Variants in CCSER2 observed in about 807,000 individuals in gnomAD.
The protein encoded by CCSER2 is coiled-coil serine rich protein 2.
Under a neutral mutation model 92.3 loss-of-function variants are expected in CCSER2, and 46 were observed. The ratio of observed to expected loss-of-function variants is 0.50; its 90% confidence interval spans 0.39 to 0.64. CCSER2 has a LOEUF of 0.64. Among genes scored for constraint, CCSER2 ranks in the 30% least tolerant of loss-of-function variants. The pLI, the probability that CCSER2 is intolerant of heterozygous loss-of-function variation, is 0.00. For synonymous variants in CCSER2, 433 were observed against 431.4 expected (o/e 1.00, Z -0.04); for missense variants, 1,244 against 1,238.9 (o/e 1.00, Z -0.06).
At chr10:84,507,456 C>T (rs1002698515) in intron 9 of CCSER2, 1 of 186,944 alleles carries the variant, frequency 5.3e-6, no homozygotes, top group Non-Finnish European at 1.0e-5. Flanking sequence ...TTACAGATGG[C>T]TCTATTTCCA....
At chr10:84,438,118 G>A (rs1305881253) in intron 5 of CCSER2, among the ~76,000 whole-genome samples, 1 of 152,110 alleles carries the variant, frequency 6.6e-6, no homozygotes, top group African/African-American at 2.4e-5. Context: ...TGGTAGCATC[G>A]TTATGGGGCT....
intron 1 of CCSER2, among the ~76,000 whole-genome samples, chr10:84,345,260 T>C (rs1419580112): frequency 7.2e-5 from 11 of 152,204 alleles, no homozygotes; most frequent in Non-Finnish European, 1.5e-4. Flanking sequence ...ACGTGCATTA[T>C]ATTCCATGAG....
intron 3 of CCSER2, among the ~76,000 whole-genome samples, chr10:84,383,306 A>G (rs1222786547): frequency 1.3e-5 from 2 of 148,312 alleles, no homozygotes; most frequent in African/African-American, 2.5e-5. Context: ...TGATCTTTTT[A>G]TTTATTTATT....
At chr10:84,382,884 A>G (rs965594562) in intron 3 of CCSER2, among the ~76,000 whole-genome samples, 1 of 152,216 alleles carries the variant, frequency 6.6e-6, no homozygotes, top group Non-Finnish European at 1.5e-5. Context: ...TATGCTTTTG[A>G]CACACCAACA....
intron 6 of CCSER2, among the ~76,000 whole-genome samples, chr10:84,444,373 G>A (rs1307567995): frequency 1.3e-5 from 2 of 152,066 alleles, no homozygotes; most frequent in Non-Finnish European, 2.9e-5. Context: ...ATATTTAGGA[G>A]GCTGTTGCAT....
At chr10:84,411,166 G>A (rs1280832725) in intron 3 of CCSER2, among the ~76,000 whole-genome samples, 1 of 152,076 alleles carries the variant, frequency 6.6e-6, no homozygotes, top group African/African-American at 2.4e-5. Context: ...GGTTACTGTA[G>A]CCTTGTCTGT....
At chr10:84,475,945 A>G (rs1003765184) in intron 8 of CCSER2, among the ~76,000 whole-genome samples, 1 of 151,718 alleles carries the variant, frequency 6.6e-6, no homozygotes, top group Non-Finnish European at 1.5e-5. Flanking sequence ...TGATCCTCTC[A>G]CTCAACCTCC....
intron 6 of CCSER2, among the ~76,000 whole-genome samples, chr10:84,450,331 A>T (rs1845201553): frequency 6.6e-6 from 1 of 152,232 alleles, no homozygotes; most frequent in Admixed American, 6.5e-5. Context: ...TCAAAAGGAC[A>T]TCACACGTAA....
intron 1 of CCSER2, among the ~76,000 whole-genome samples, chr10:84,352,512 T>A (rs1468250366): frequency 6.6e-6 from 1 of 151,664 alleles, no homozygotes; most frequent in Non-Finnish European, 1.5e-5. Flanking sequence ...TGGGGAGCAG[T>A]CTTCTCGGTG....
rs2131902397 is a variant in CCSER2 at position 84,518,050 on chromosome 10, T to C, written c.*3783T>C. The C allele has an allele frequency of 6.6e-6, 1 of 152,374 alleles. No homozygotes were observed. Among genetic ancestry groups the C allele is most frequent in the Non-Finnish European group, 1.5e-5 (1 of 68,044 alleles). 9.4% of individuals were successfully genotyped at this position (152,374 alleles called of 1,614,324 possible). A position where few individuals can be genotyped will look rare whatever the true frequency, so the allele number is the denominator to read the frequency against. ...CACACATTTGAAAATTAATTATAGC[T>C]GTACTACCCGATGTTTTTCCTTGGG... On this transcript the variant is annotated 3_prime_UTR_variant, in exon 10 of 10. Transcript: ENST00000372088.
intron 3 of CCSER2, among the ~76,000 whole-genome samples, chr10:84,392,574 A>T (rs564497302): frequency 1.8e-4 from 27 of 151,824 alleles, no homozygotes; most frequent in African/African-American, 6.0e-4. Flanking sequence ...TGTTTTGCAT[A>T]TTGATGAAGA....
intron 1 of CCSER2, among the ~76,000 whole-genome samples, chr10:84,364,303 C>T (rs1447783315): frequency 6.6e-6 from 1 of 152,154 alleles, no homozygotes; most frequent in Non-Finnish European, 1.5e-5. Flanking sequence ...TGTCACTAGG[C>T]TATAGGAATT....
At chr10:84,434,996 A>G (rs1021861935) in intron 5 of CCSER2, among the ~76,000 whole-genome samples, 6 of 152,198 alleles carry the variant, frequency 3.9e-5, no homozygotes, top group Admixed American at 2.0e-4. Context: ...GAAACAAATT[A>G]AGGATCATAA....
intron 4 of CCSER2, among the ~76,000 whole-genome samples, chr10:84,420,671 T>C (rs762719694): frequency 4.6e-5 from 7 of 152,072 alleles, no homozygotes; most frequent in African/African-American, 9.7e-5. Context: ...TGGTGGCTCA[T>C]GCCTGTAATC....
At position 84,448,106 on chromosome 10, in the gene CCSER2, C is replaced by T. The variant is rs137861250; in HGVS notation, c.2064+9399C>T. Among the ~76,000 whole-genome samples, 780 of 152,178 alleles carry T rather than the reference C, an allele frequency of 5.1e-3. 2 individuals are homozygous for T. The highest frequency in any genetic ancestry group is 9.6e-3 in the Non-Finnish European group (656 of 68,022). On this transcript the variant is annotated intron_variant, in intron 6 of 9. Coordinates refer to ENST00000372088, the MANE Select transcript of CCSER2 (RefSeq NM_001284240.2). The stretch of plus-strand genomic sequence containing the variant: ...ACACCAATCCCCATCTCCAGATGGA[C>T]GCCTTCTCACTCTGCTTGGCCTGAC...
chr10:84,477,540 T>G, intron 8 of CCSER2, 35 bp from the exon 9 acceptor site: 1 of 1,215,244 alleles, frequency 8.2e-7, no homozygotes, highest in Non-Finnish European at 1.2e-6. Context: ...ATATGCAGAA[T>G]TAAACCAATG....
intron 3 of CCSER2, among the ~76,000 whole-genome samples, chr10:84,397,041 T>G (rs1013984835): frequency 6.6e-6 from 1 of 152,242 alleles, no homozygotes. Flanking sequence ...CTTACTTGTG[T>G]CCATACCAGC....
intron 1 of CCSER2, among the ~76,000 whole-genome samples, chr10:84,352,631 A>G (rs565171122): frequency 1.3e-5 from 2 of 151,948 alleles, no homozygotes; most frequent in Non-Finnish European, 2.9e-5. Flanking sequence ...TCCTCTTACC[A>G]TATTAAGTGC....
chr10:84,457,702 AATTAT>A (rs200534835), intron 6 of CCSER2, among the ~76,000 whole-genome samples: 6,735 of 124,276 alleles, frequency 0.054, 310 homozygotes, highest in Admixed American at 0.09. Flanking sequence ...ATTTATATAT[AATTAT>A]ATTATATATA....
Sources: gnomAD v4.1 joint callset for allele counts (sites outside exome capture counted in the v4.1 genomes callset) on GRCh38, gnomAD v4.1.1 for gene constraint, MANE v1.5 for transcripts, NCBI Gene and HGNC (gene_info 2026-07-23, HGNC 2026-07-21) for gene names.